Variants in MKNK1 observed in about 807,000 individuals in gnomAD.
MKNK1 encodes the protein MAP kinase-interacting serine/threonine-protein kinase 1.
A neutral mutation model predicts 49.3 loss-of-function variants in MKNK1; 30 were observed. The ratio of observed to expected loss-of-function variants is 0.61; its 90% CI spans 0.46 to 0.83. MKNK1 has a LOEUF of 0.83. Ranked by LOEUF, MKNK1 falls within the 40% of genes least tolerant of loss-of-function variation. The probability of loss-of-function intolerance (pLI) is 0.00; values close to 1 mark genes in which losing one functional copy is unlikely to be tolerated. For synonymous variants in MKNK1, 176 were observed against 201.7 expected, an observed-to-expected ratio of 0.87 and a Z score of 1.08; for missense variants, 423 against 524.7, an observed-to-expected ratio of 0.81 and a Z score of 1.89.
chr1:46,576,025 T>C (rs1476087952), intron 5 of MKNK1: 1 of 153,108 alleles, frequency 6.5e-6, no homozygotes, highest in Admixed American at 6.5e-5. Flanking sequence ...GTCTTAGAGG[T>C]GCCCCTGATT....
chr1:46,574,604 CT>C (rs1670678766), intron 6 of MKNK1: 2 of 211,672 alleles, frequency 9.4e-6, no homozygotes, highest in Non-Finnish European at 1.9e-5. Flanking sequence ...CCTTTCTAGA[CT>C]TCGCAATGTA....
rs1667298272 is a variant in MKNK1 at position 46,558,125 on chromosome 1, G to A, written c.*450C>T. 6.2e-6 allele frequency: 1 copy of A among 161,036 alleles called. No individual in the cohort carries two copies. The highest frequency in any genetic ancestry group is 2.4e-5 in the African/African-American group (1 of 41,640). The allele number at this position is 161,036 out of a possible 1,614,324, so 10.0% of individuals were successfully genotyped here. On this transcript the variant is annotated 3_prime_UTR_variant, in exon 13 of 13. Transcript: ENST00000371945. The stretch of plus-strand genomic sequence containing the variant: ...GCAAAGAGGACATCCGGAGGACAGA[G>A]GAAGGTGGAAGGACCGCCAGAGGAG...
At chr1:46,594,847 GC>G in intron 1 of MKNK1, 1 of 417,380 alleles carries the variant, frequency 2.4e-6, no homozygotes, top group Non-Finnish European at 4.8e-6. Context: ...ACTAAAATTA[GC>G]CAGGCATGGT....
chr1:46,599,162 G>A (rs1674431528), intron 1 of MKNK1, among the ~76,000 whole-genome samples: 1 of 152,190 alleles, frequency 6.6e-6, no homozygotes, highest in Non-Finnish European at 1.5e-5. Flanking sequence ...CTGCAGGAGG[G>A]AATAATCTGA....
At chr1:46,561,389 G>A (rs1667940538) in intron 11 of MKNK1, 89 bp downstream of exon 11, 1 of 1,434,562 alleles carries the variant, frequency 7.0e-7, no homozygotes, top group Non-Finnish European at 9.4e-7. Context: ...CACAAGGCTG[G>A]TGCTCAGCAC....
rs77406968 is a variant in MKNK1, at chr1:46,590,819, G to A, written c.-3+3294C>T. Reference sequence around the variant, plus strand: ...TGTGCAGAACAGTATCATTTTCAGCGTGTGCTATGATGTGAAAAGGTTGGG... The same window carrying A: ...TGTGCAGAACAGTATCATTTTCAGCATGTGCTATGATGTGAAAAGGTTGGG... On this transcript the variant is annotated intron_variant, in intron 2 of 12. Transcript: ENST00000371945. 5.5e-3 allele frequency among the ~76,000 whole-genome samples: 840 copies of A among 152,332 alleles called. 7 individuals are homozygous for A. Among genetic ancestry groups the A allele is most frequent in the East Asian group, 0.032 (167 of 5,188 alleles).
chr1:46,560,129 T>G, intron 12 of MKNK1, 105 bp downstream of exon 12: 1 of 1,304,926 alleles, frequency 7.7e-7, no homozygotes, highest in Non-Finnish European at 1.1e-6. Flanking sequence ...GGAGCCCCTT[T>G]GGAGAAAGCT....
intron 10 of MKNK1, among the ~76,000 whole-genome samples, chr1:46,562,319 C>A (rs886981757): frequency 6.6e-6 from 1 of 150,852 alleles, no homozygotes; most frequent in Non-Finnish European, 1.5e-5. Context: ...TCGCTTGAAC[C>A]CAGGAGGCAG....
chr1:46,594,918 T>C (rs779904624), intron 1 of MKNK1: 5 of 379,174 alleles, frequency 1.3e-5, no homozygotes, highest in South Asian at 9.6e-5. Flanking sequence ...GCCCAGGAGG[T>C]CGAGGCTGCA....
Position 46,562,671 on chromosome 1 carries a change from C to A in MKNK1, c.782G>T (p.Gly261Val). 5 of 1,556,878 alleles carry A rather than the reference C, an allele frequency of 3.2e-6. No individual in the cohort carries two copies. Among genetic ancestry groups the A allele is most frequent in the Non-Finnish European group, 4.3e-6 (5 of 1,149,836 alleles). Residue 261 changes from glycine (G) to valine (V), a missense_variant, in exon 10 of 13, where the codon GGC (glycine) becomes GTC (valine). Coordinates refer to ENST00000371945, the MANE Select transcript of MKNK1 (RefSeq NM_001135553.4). ...CACCTGGCACACCCTGCAGACCTCG[C>A]CCCGGTCCCAGCCACAGTCGGCCCC... Reference protein sequence around the residue: ...HCGADCGWDRGEVCRVCQNKL... With the variant: ...HCGADCGWDRVEVCRVCQNKL...
chr1:46,560,092 AAG>A (rs1407487167), intron 12 of MKNK1, 140 bp downstream of exon 12: 2 of 905,778 alleles, frequency 2.2e-6, no homozygotes, highest in African/African-American at 3.3e-5. Flanking sequence ...AGTAGAGGAA[AAG>A]AGAGTGAGGA....
intron 2 of MKNK1, among the ~76,000 whole-genome samples, chr1:46,588,761 TCG>T (rs1235807280): frequency 1.4e-5 from 2 of 145,344 alleles, no homozygotes; most frequent in Non-Finnish European, 3.0e-5. Flanking sequence ...TGAGCCGAGA[TCG>T]CGCCACTGCA....
At chr1:46,568,013 T>C (rs1023620128) in intron 8 of MKNK1, among the ~76,000 whole-genome samples, 1 of 151,992 alleles carries the variant, frequency 6.6e-6, no homozygotes, top group African/African-American at 2.4e-5. Flanking sequence ...TCTCAGCTAC[T>C]TGGGGGGCTG....
chr1:46,571,546 A>G, intron 7 of MKNK1: 1 of 441,726 alleles, frequency 2.3e-6, no homozygotes, highest in South Asian at 1.6e-5. Context: ...TTGTCTAAAA[A>G]GGAAAAAAAA....
intron 2 of MKNK1, chr1:46,585,976 T>C (rs1349365147): frequency 6.0e-6 from 8 of 1,336,726 alleles, no homozygotes; most frequent in Non-Finnish European, 8.0e-6. Flanking sequence ...TTTCTGAAAC[T>C]AGGAAGGAAA....
chr1:46,591,211 G>A (rs1365818049), intron 2 of MKNK1, among the ~76,000 whole-genome samples: 2 of 152,208 alleles, frequency 1.3e-5, no homozygotes, highest in East Asian at 1.9e-4. Context: ...AGGACCGTCT[G>A]TCCATAGCGA....
chr1:46,585,787 C>T, intron 2 of MKNK1: 1 of 672,332 alleles, frequency 1.5e-6, no homozygotes, highest in Non-Finnish European at 2.6e-6. Context: ...GCTGAGGGAG[C>T]CGCTTGCACG....
chr1:46,585,475 G>GTC (rs1288823522), intron 2 of MKNK1: 6 of 180,786 alleles, frequency 3.3e-5, no homozygotes, highest in African/African-American at 2.3e-5. Flanking sequence ...AGGAACCATT[G>GTC]TCTCTCTCTC....
At chr1:46,581,546 G>C (rs1313639777) in intron 3 of MKNK1, among the ~76,000 whole-genome samples, 1 of 144,720 alleles carries the variant, frequency 6.9e-6, no homozygotes, top group Non-Finnish European at 1.5e-5. Flanking sequence ...AAATTGGTCA[G>C]AGAATCTGGA....
Sources: gnomAD v4.1 joint callset for allele counts (sites outside exome capture counted in the v4.1 genomes callset) on GRCh38, gnomAD v4.1.1 for gene constraint, MANE v1.5 for transcripts, NCBI Gene and HGNC (gene_info 2026-07-23, HGNC 2026-07-21) for gene names.